Variants in SHC2 observed in about 807,000 individuals in gnomAD.
SHC2 encodes the protein SHC adaptor protein 2, also known as SHC-transforming protein 2.
A neutral mutation model predicts 60.6 loss-of-function variants in SHC2; 62 were observed. That is an observed-to-expected ratio of 1.02 (90% confidence interval 0.83 to 1.26). The LOEUF is 1.26. Ranked by LOEUF, SHC2 falls within the 50% of genes most tolerant of loss-of-function variation. SHC2 has a pLI of 0.00. For synonymous variants in SHC2, 375 were observed against 372.4 expected (o/e 1.01, Z -0.08); for missense variants, 873 against 822.2 (o/e 1.06, Z -0.76).
At chr19:459,346 C>T (rs1975478169) in intron 1 of SHC2, among the ~76,000 whole-genome samples, 1 of 120,782 alleles carries the variant, frequency 8.3e-6, no homozygotes, top group Admixed American at 8.0e-5. Context: ...GGAAGGACCC[C>T]ACTGAAGCCA....
intron 1 of SHC2, among the ~76,000 whole-genome samples, chr19:448,407 C>A (rs887710519): frequency 6.6e-6 from 1 of 152,164 alleles, no homozygotes; most frequent in African/African-American, 2.4e-5. Context: ...GGCTTGTGGC[C>A]GTGTTACTCC....
intron 1 of SHC2, among the ~76,000 whole-genome samples, chr19:459,504 G>A (rs537567375): frequency 3.9e-4 from 57 of 145,486 alleles, no homozygotes; most frequent in African/African-American, 1.4e-3. Flanking sequence ...TGAACCCAGC[G>A]TAGGGGGAAG....
At chr19:430,787 G>A in intron 8 of SHC2, 40 bp from the exon 9 acceptor site, 2 of 1,594,672 alleles carry the variant, frequency 1.3e-6, no homozygotes, top group Non-Finnish European at 1.7e-6. Flanking sequence ...GTGTGTGCAA[G>A]CCCCTCTTCC....
intron 1 of SHC2, among the ~76,000 whole-genome samples, chr19:460,049 C>T (rs11667874): frequency 0.17 from 25,731 of 152,304 alleles, 2,270 homozygotes; most frequent in South Asian, 0.29. Flanking sequence ...AGGCCGCTTC[C>T]TTGGCCGCCC....
Position 440,517 on chromosome 19 carries a change from G to A in SHC2, c.539+345C>T, listed in dbSNP as rs905235871. On this transcript the variant is annotated intron_variant, in intron 2 of 12. Coordinates refer to ENST00000264554, the MANE Select transcript of SHC2 (RefSeq NM_012435.3). The surrounding 1 kb of genome is among the most constrained non-coding windows in gnomAD (Gnocchi z 7.0). ...GCATAGCATCCTGAGGTCACCGTGT[G>A]GAAAACAGAGCAGGGACACGGAGAC... 3.9e-5 allele frequency among the ~76,000 whole-genome samples: 6 copies of A among 152,194 alleles called. No homozygotes were observed. The highest frequency in any genetic ancestry group is 1.4e-4 in the African/African-American group (6 of 41,434).
Position 445,075 on chromosome 19 carries a change from AGTGCTGCCGGCCAT to A in SHC2, c.469-4157_469-4144del, listed in dbSNP as rs1975020683. ...GCATGTCCCACGCTCCACGGCGCCC[AGTGCTGCCGGCCAT>A]GTGCTTTTTTAAAAAAGAGACCAGA... On this transcript the variant is annotated intron_variant, in intron 1 of 12. Transcript: ENST00000264554. The surrounding 1 kb of genome is among the most constrained non-coding windows in gnomAD (Gnocchi z 4.4). Among the ~76,000 whole-genome samples, 1 of 152,264 alleles carries A rather than the reference AGTGCTGCCGGCCAT, an allele frequency of 6.6e-6. No homozygotes were observed. The highest frequency in any genetic ancestry group is 2.1e-4 in the South Asian group (1 of 4,834).
intron 12 of SHC2, among the ~76,000 whole-genome samples, chr19:418,335 G>A (rs748794931): frequency 4.6e-5 from 7 of 152,248 alleles, no homozygotes; most frequent in African/African-American, 1.7e-4. Flanking sequence ...ACAGCCGACC[G>A]CAGTGTCACG....
Position 460,565 on chromosome 19 carries a change from G to T in SHC2, c.432C>A (p.Ala144=). 7.1e-7 allele frequency: 1 copy of T among 1,418,172 alleles called. No homozygotes were observed. The highest frequency in any genetic ancestry group is 9.3e-7 in the Non-Finnish European group (1 of 1,080,396). The allele number at this position is 1,418,172 out of a possible 1,614,324, so 87.8% of individuals were successfully genotyped here. Residue 144 remains alanine (A), a synonymous_variant, in exon 1 of 13, where the codon GCC becomes GCA. Transcript: ENST00000264554. ...AGGAGACCCCGGGCCCCAGGACCCT[G>T]GCGTCGGGGTGTAGCCAGCCGTGCG... ...KPAHGWLHPD[A]RVLGPGVSYV...
chr19:455,853 C>T (rs1975329903), intron 1 of SHC2, among the ~76,000 whole-genome samples: 2 of 152,072 alleles, frequency 1.3e-5, no homozygotes, highest in Non-Finnish European at 2.9e-5. Flanking sequence ...CCCCCTGCTG[C>T]GAGGACACCG....
intron 11 of SHC2, among the ~76,000 whole-genome samples, chr19:420,921 G>A (rs1974253283): frequency 6.6e-6 from 1 of 151,920 alleles, no homozygotes; most frequent in African/African-American, 2.4e-5. Context: ...GTGGTGGTGG[G>A]CGCCTGTAGT....
chr19:436,918 C>T (rs1209228999), intron 4 of SHC2, among the ~76,000 whole-genome samples: 2 of 152,054 alleles, frequency 1.3e-5, no homozygotes, highest in South Asian at 2.1e-4. Flanking sequence ...GTGTGGGGTC[C>T]GCAGGAGGTC....
At position 418,057 on chromosome 19, in the gene SHC2, G is replaced by C. The variant is rs554336535; in HGVS notation, c.*6-735C>G. 7.9e-5 allele frequency among the ~76,000 whole-genome samples: 12 copies of C among 151,974 alleles called. No homozygotes were observed. The East Asian group carries it at 1.9e-3, about 25-fold the overall frequency. Reference sequence around the variant, plus strand: ...CCTCTCCTGCCCCAACCTCACCCCAGAGGAGAGACCATGAGATCACCCAGA... The same window carrying C: ...CCTCTCCTGCCCCAACCTCACCCCACAGGAGAGACCATGAGATCACCCAGA... On this transcript the variant is annotated intron_variant, in intron 12 of 12. Transcript: ENST00000264554.
In SHC2 at chr19:426,108, A is replaced by T. The variant is rs1360634210; in HGVS notation, c.1175-877T>A. Among the ~76,000 whole-genome samples the T allele has an allele frequency of 5.3e-5, 8 of 151,132 alleles. No individual in the cohort carries two copies. The East Asian group carries it at 1.6e-3, about 29-fold the overall frequency. ...GTAACCTTGGGGCATCTCCCTCGGG[A>T]GCTGCCTGGACCCCATGTGTATTCT... On this transcript the variant is annotated intron_variant, in intron 9 of 12. Transcript: ENST00000264554.
In SHC2 at chr19:424,955, C is replaced by T. The variant is rs549178303; in HGVS notation, c.1309+142G>A. 1.4e-5 allele frequency: 13 copies of T among 928,786 alleles called. No homozygotes were observed. In the South Asian group the frequency reaches 3.4e-4, roughly 24 times the overall value. 57.5% of individuals were successfully genotyped at this position (928,786 alleles called of 1,614,324 possible). A position where few individuals can be genotyped will look rare whatever the true frequency, so the allele number is the denominator to read the frequency against. ...GACTGGGCTTCCCCGTCCCACCCGT[C>T]GACTTGAAGGATCTCACGGGGAGAA... On this transcript the variant is annotated intron_variant, in intron 10 of 12. Transcript: ENST00000264554. The surrounding 1 kb of genome is among the most constrained non-coding windows in gnomAD (Gnocchi z 4.5).
chr19:460,598 G>A lies in SHC2; in HGVS notation c.399C>T (p.His133=). ...AEWIRKGSFI[H]KPAHGWLHPD... Reference sequence around the variant, plus strand: ...GGTGTAGCCAGCCGTGCGCGGGTTTGTGGATGAAGCTGCCCTTCCGGATCC... The same window carrying A: ...GGTGTAGCCAGCCGTGCGCGGGTTTATGGATGAAGCTGCCCTTCCGGATCC... The change falls in exon 1 of 13, where the codon CAC becomes CAT. Residue 133 remains histidine (H), a synonymous_variant. Transcript: ENST00000264554. 5 of 1,403,098 alleles carry A rather than the reference G, an allele frequency of 3.6e-6. No individual in the cohort carries two copies. Among genetic ancestry groups the A allele is most frequent in the Non-Finnish European group, 4.7e-6 (5 of 1,070,950 alleles). The allele number at this position is 1,403,098 out of a possible 1,614,324, so 86.9% of individuals were successfully genotyped here. A position where few individuals can be genotyped will look rare whatever the true frequency, so the allele number is the denominator to read the frequency against.
In SHC2 at chr19:441,786, A is replaced by G. The variant is rs1488751162; in HGVS notation, c.469-854T>C. 6.6e-6 allele frequency among the ~76,000 whole-genome samples: 1 copy of G among 152,264 alleles called. No homozygotes were observed. Among genetic ancestry groups the G allele is most frequent in the African/African-American group, 2.4e-5 (1 of 41,466 alleles). On this transcript the variant is annotated intron_variant, in intron 1 of 12. Coordinates refer to ENST00000264554, the MANE Select transcript of SHC2 (RefSeq NM_012435.3). The surrounding 1 kb of genome is among the most constrained non-coding windows in gnomAD (Gnocchi z 4.9). ...TACGAAATGCTACTGAACTGTGAAA[A>G]ATGCAACATGCAAAATGATGAATAA...
In SHC2 at chr19:438,741, G is replaced by C. The variant is rs764506708; in HGVS notation, c.697C>G (p.Leu233Val). The C allele has an allele frequency of 7.0e-6, 11 of 1,567,014 alleles. No homozygotes were observed. In the South Asian group the frequency reaches 1.1e-4, roughly 15 times the overall value. Reference sequence around the variant, plus strand: ...ACCTGGCGCGTGGCAGGCACGGAGAGGCTGAGGCCATCAGTGGAGATGTGG... The same window carrying C: ...ACCTGGCGCGTGGCAGGCACGGAGACGCTGAGGCCATCAGTGGAGATGTGG... The part of the protein sequence containing the change: ...SIHISTDGLS[L>V]SVPATRQVIA... The change falls in exon 4 of 13, where the codon CTC becomes GTC. Residue 233 changes from leucine to valine, a missense_variant. Transcript: ENST00000264554. The surrounding 1 kb of genome is among the most constrained non-coding windows in gnomAD (Gnocchi z 5.0).
At position 424,898 on chromosome 19, in the gene SHC2, C is replaced by A. The variant is rs1006872092; in HGVS notation, c.1309+199G>T. 6.6e-6 allele frequency among the ~76,000 whole-genome samples: 1 copy of A among 152,224 alleles called. No homozygotes were observed. Among genetic ancestry groups the A allele is most frequent in the Non-Finnish European group, 1.5e-5 (1 of 68,036 alleles). On this transcript the variant is annotated intron_variant, in intron 10 of 12. Transcript: ENST00000264554. The surrounding 1 kb of genome is among the most constrained non-coding windows in gnomAD (Gnocchi z 4.5). ...CCCTTTTAAGGCAGAGTCCAGGACA[C>A]CCCCATCAGACAAGGCCTCCGACAG...
intron 1 of SHC2, among the ~76,000 whole-genome samples, chr19:443,374 ATGGATGGGTGGG>A (rs1974959820): frequency 7.8e-6 from 1 of 127,812 alleles, no homozygotes. Context: ...GGACGGATGG[ATGGATGGGTGGG>A]TGGATGAATG....
Sources: allele counts gnomAD v4.1 joint callset (sites outside exome capture counted in the v4.1 genomes callset), GRCh38; gene constraint gnomAD v4.1.1; non-coding constraint Gnocchi (gnomAD v3.1); transcripts MANE v1.5; gene names NCBI Gene and HGNC (gene_info 2026-07-23, HGNC 2026-07-21).